The following RUNX1 variants were observed in gnomAD, a reference collection of about 807,000 sequenced individuals.
RUNX1 encodes RUNX family transcription factor 1, also known as runt-related transcription factor 1.
In RUNX1, 19 loss-of-function variants were observed where a neutral mutation model predicts 42.8. The ratio of observed to expected loss-of-function variants is 0.44; its 90% CI spans 0.31 to 0.65. The LOEUF is 0.65. Ranked by LOEUF, RUNX1 falls within the 30% of genes least tolerant of loss-of-function variation. The pLI is 0.07. For missense variants in RUNX1, 528 were observed against 672.0 expected, an observed-to-expected ratio of 0.79 and a Z score of 2.37; for synonymous variants, 271 against 289.4, an observed-to-expected ratio of 0.94 and a Z score of 0.64.
intron 6 of RUNX1, among the ~76,000 whole-genome samples, chr21:34,849,312 T>TA (rs1569051937): frequency 5.5e-5 from 2 of 36,238 alleles, no homozygotes; most frequent in African/African-American, 2.0e-4. Flanking sequence ...ATAATATATA[T>TA]TATATATATA....
chr21:35,044,228 G>C (rs957190134), intron 2 of RUNX1, among the ~76,000 whole-genome samples: 2 of 152,028 alleles, frequency 1.3e-5, no homozygotes, highest in Admixed American at 6.5e-5. Flanking sequence ...CTGTACTCTC[G>C]GCCTAGACCA....
intron 2 of RUNX1, among the ~76,000 whole-genome samples, chr21:34,935,273 T>C (rs2058476656): frequency 6.6e-6 from 1 of 152,112 alleles, no homozygotes; most frequent in Non-Finnish European, 1.5e-5. Context: ...CACGGAGTCA[T>C]AGCATTGCTG....
chr21:35,007,692 G>A (rs1466306583), intron 2 of RUNX1, among the ~76,000 whole-genome samples: 2 of 151,902 alleles, frequency 1.3e-5, no homozygotes, highest in African/African-American at 4.8e-5. Flanking sequence ...AACCCCCTTG[G>A]TGGCCTCTCT....
chr21:35,017,894 T>C (rs1483057567), intron 2 of RUNX1, among the ~76,000 whole-genome samples: 1 of 152,202 alleles, frequency 6.6e-6, no homozygotes, highest in Non-Finnish European at 1.5e-5. Context: ...TCCACTTGAA[T>C]TGGAAGGGCT....
At chr21:34,830,838 T>G (rs1018938830) in intron 7 of RUNX1, among the ~76,000 whole-genome samples, 3 of 152,256 alleles carry the variant, frequency 2.0e-5, no homozygotes, top group African/African-American at 7.2e-5. Context: ...TCTTCCTACA[T>G]GCTTATGACA....
chr21:34,860,530 CGTGTGT>C (rs34768937), intron 5 of RUNX1, among the ~76,000 whole-genome samples: 4 of 149,538 alleles, frequency 2.7e-5, no homozygotes, highest in Non-Finnish European at 4.5e-5. Flanking sequence ...TGTGTCTGTG[CGTGTGT>C]GTGTGTGTGT....
chr21:34,909,588 C>CA (rs10584066), intron 2 of RUNX1, among the ~76,000 whole-genome samples: 1,400 of 74,970 alleles, frequency 0.019, 31 homozygotes, highest in South Asian at 0.049. Flanking sequence ...CACTGTTCCT[C>CA]AAAAAAAAAA....
chr21:34,841,278 C>T (rs1010712630), intron 6 of RUNX1, among the ~76,000 whole-genome samples: 3 of 151,970 alleles, frequency 2.0e-5, no homozygotes, highest in East Asian at 3.9e-4. Context: ...CCCTAGGATA[C>T]CTCCACTTCC....
intron 2 of RUNX1, among the ~76,000 whole-genome samples, chr21:35,022,208 G>A (rs922562963): frequency 4.6e-5 from 7 of 152,216 alleles, no homozygotes; most frequent in African/African-American, 1.7e-4. Flanking sequence ...GCAAAGGAAT[G>A]TGGCTTACCT....
intron 8 of RUNX1, among the ~76,000 whole-genome samples, chr21:34,797,145 GAAGAGCAGTCTCCC>G (rs2056541332): frequency 6.6e-6 from 1 of 152,200 alleles, no homozygotes; most frequent in African/African-American, 2.4e-5. Flanking sequence ...CTGCCAAATT[GAAGAGCAGTCTCCC>G]ATACTGTTCT....
intron 7 of RUNX1, among the ~76,000 whole-genome samples, chr21:34,804,781 C>T (rs999429914): frequency 3.1e-4 from 45 of 143,746 alleles, no homozygotes; most frequent in Non-Finnish European, 4.9e-4. Flanking sequence ...CTCGCTCTGT[C>T]GCCCACACTG....
chr21:34,985,537 T>C (rs151194584), intron 2 of RUNX1, among the ~76,000 whole-genome samples: 30 of 152,292 alleles, frequency 2.0e-4, no homozygotes, highest in Admixed American at 5.9e-4. Flanking sequence ...TCTCAGCCCA[T>C]GGTGAGCATT....
rs2056437123 is a variant in RUNX1, at chr21:34,791,728, A to T, written c.*407T>A. 8.7e-6 allele frequency: 2 copies of T among 230,108 alleles called. No individual in the cohort carries two copies. Among genetic ancestry groups the T allele is most frequent in the Admixed American group, 1.1e-4 (2 of 17,632 alleles). The allele number at this position is 230,108 out of a possible 1,614,324, so 14.3% of individuals were successfully genotyped here. On this transcript the variant is annotated 3_prime_UTR_variant, in exon 9 of 9. Transcript: ENST00000675419. ...CCAACCAAAATTCCACACTCTTTGG[A>T]ATAAACAACTTGGTTAAAAAGTTAA...
intron 7 of RUNX1, chr21:34,832,839 C>T (rs2057082833): frequency 6.6e-6 from 1 of 152,120 alleles, no homozygotes; most frequent in Admixed American, 6.5e-5. Flanking sequence ...GATCCTCTTC[C>T]TAAATACACC....
chr21:34,988,279 C>A (rs536513258), intron 2 of RUNX1, among the ~76,000 whole-genome samples: 19 of 152,288 alleles, frequency 1.2e-4, no homozygotes, highest in Non-Finnish European at 1.5e-5. Context: ...CTTGTGGACA[C>A]AGCCGGGGGA....
At chr21:34,891,604 C>T (rs1255023881) in intron 3 of RUNX1, among the ~76,000 whole-genome samples, 1 of 151,996 alleles carries the variant, frequency 6.6e-6, no homozygotes, top group Non-Finnish European at 1.5e-5. Context: ...TACAGAATTC[C>T]CCTTCCTTTG....
chr21:34,913,089 G>A (rs528731178), intron 2 of RUNX1, among the ~76,000 whole-genome samples: 3 of 152,264 alleles, frequency 2.0e-5, no homozygotes, highest in Admixed American at 1.3e-4. Flanking sequence ...AAAATTAGCT[G>A]GGGGTGGTGG....
chr21:34,888,623 G>A, intron 3 of RUNX1: 8 of 1,056,214 alleles, frequency 7.6e-6, no homozygotes, highest in Non-Finnish European at 8.0e-6. Flanking sequence ...CGCAGGGCCG[G>A]GCAGCGTGGT....
At chr21:34,794,672 A>G (rs1008805270) in intron 8 of RUNX1, among the ~76,000 whole-genome samples, 5 of 152,166 alleles carry the variant, frequency 3.3e-5, no homozygotes, top group African/African-American at 1.2e-4. Flanking sequence ...TCTTACCTAC[A>G]GGCCGCCCTT....
Sources: allele counts gnomAD v4.1 joint callset (sites outside exome capture counted in the v4.1 genomes callset), GRCh38; gene constraint gnomAD v4.1.1; transcripts MANE v1.5; gene names NCBI Gene and HGNC (gene_info 2026-07-23, HGNC 2026-07-21).